The following TECPR1 variants were observed in gnomAD, a reference collection of about 807,000 sequenced individuals.
The protein encoded by TECPR1 is tectonin beta-propeller repeat containing 1, also known as tectonin beta-propeller repeat-containing protein 1.
In TECPR1, 122 loss-of-function variants were observed where a neutral mutation model predicts 162.4. The observed-to-expected ratio is 0.75, with a 90% CI of 0.65 to 0.87. The LOEUF (loss-of-function observed/expected upper bound fraction) is 0.87. Ranked by LOEUF, TECPR1 falls within the 40% of genes least tolerant of loss-of-function variation. The pLI is 0.00. For synonymous variants in TECPR1, 642 were observed against 670.6 expected, an observed-to-expected ratio of 0.96 and a Z score of 0.66; for missense variants, 1,432 against 1,618.2, an observed-to-expected ratio of 0.88 and a Z score of 1.97.
At chr7:98,235,276 A>C (rs941074554) in intron 10 of TECPR1, among the ~76,000 whole-genome samples, 2 of 152,194 alleles carry the variant, frequency 1.3e-5, no homozygotes, top group Admixed American at 1.3e-4. Context: ...CTGTAATCTC[A>C]GCACTTTGGG....
At position 98,246,097 on chromosome 7, in the gene TECPR1, G is replaced by A. The variant is rs780202706; in HGVS notation, c.50C>T (p.Thr17Met). 3.1e-5 allele frequency: 48 copies of A among 1,558,676 alleles called. No individual in the cohort carries two copies. Among genetic ancestry groups the A allele is most frequent in the South Asian group, 1.3e-4 (11 of 84,646 alleles). ...CCAGTACTGGCCTGCTGTGGACAGC[G>A]TGTACACTCTCCCGAAGAGGTCCAC... ...WAVDLFGRVYTLSTAGQYWEM... is the reference protein window; with the variant it reads ...WAVDLFGRVYMLSTAGQYWEM... The change falls in exon 3 of 26, where the codon ACG becomes ATG. Residue 17 changes from threonine to methionine, a missense_variant. Coordinates refer to ENST00000447648, the MANE Select transcript of TECPR1 (RefSeq NM_015395.3).
chr7:98,246,361 G>A (rs1412679343), intron 2 of TECPR1, among the ~76,000 whole-genome samples, 196 bp from the exon 3 acceptor site: 2 of 151,576 alleles, frequency 1.3e-5, no homozygotes, highest in Non-Finnish European at 2.9e-5. Flanking sequence ...CCACCTCCAG[G>A]GTTCAAGCAA....
rs753070353 is a variant in TECPR1 at position 98,245,046 on chromosome 7, A to C, written c.247T>G (p.Phe83Val). The C allele has an allele frequency of 6.3e-7, 1 of 1,594,766 alleles. No individual in the cohort carries two copies. Among genetic ancestry groups the C allele is most frequent in the Non-Finnish European group, 8.5e-7 (1 of 1,171,588 alleles). Residue 83 changes from phenylalanine to valine, a missense_variant, in exon 4 of 26, where the codon TTC becomes GTC. Phe to Val is a conservative substitution (Grantham distance 50). Coordinates refer to ENST00000447648, the MANE Select transcript of TECPR1 (RefSeq NM_015395.3). ...ENQRWNPMGG[F>V]CEKLLLSDRW... ...TCACTCAGCAGGAGCTTCTCACAGA[A>C]GCCGCCCATGGGATTCCAGCGCTGA... is the stretch of plus-strand genomic sequence containing the variant.
intron 2 of TECPR1, among the ~76,000 whole-genome samples, chr7:98,250,257 T>G (rs1484162023): frequency 1.3e-5 from 2 of 151,884 alleles, no homozygotes; most frequent in African/African-American, 2.4e-5. Flanking sequence ...AAATCCTCAA[T>G]AAAATGCTAG....
chr7:98,229,814 C>A (rs1435134615), intron 15 of TECPR1, among the ~76,000 whole-genome samples: 2 of 152,128 alleles, frequency 1.3e-5, no homozygotes, highest in Non-Finnish European at 2.9e-5. Context: ...CTCACTATGT[C>A]CCCAGCCCCA....
At chr7:98,243,723 G>A (rs1426229684) in intron 5 of TECPR1, 131 bp from the exon 6 acceptor site, 1 of 1,246,476 alleles carries the variant, frequency 8.0e-7, no homozygotes, top group Non-Finnish European at 1.1e-6. Context: ...AATTCACAGG[G>A]AAGGCAGCAT....
chr7:98,218,073 G>A (rs1216274975), intron 23 of TECPR1, 31 bp from the exon 24 acceptor site: 2 of 1,525,984 alleles, frequency 1.3e-6, no homozygotes, highest in East Asian at 4.9e-5. Context: ...GGTCAAAGGG[G>A]AAGACCTTCC....
chr7:98,224,829 C>T lies in TECPR1; in HGVS notation c.2662G>A (p.Gly888Arg). ...FSVPGGTDQE[G>R]WQYASDFPAS... ...GGGAAGTCGCTGGCATACTGCCACC[C>T]CTCCTGGTCCGTGCCCCCCGGAACG... The change falls in exon 19 of 26, where the codon GGG becomes AGG. Residue 888 changes from glycine (G) to arginine (R), a missense_variant. Coordinates refer to ENST00000447648, the MANE Select transcript of TECPR1 (RefSeq NM_015395.3). 6.3e-7 allele frequency: 1 copy of T among 1,580,972 alleles called. No individual in the cohort carries two copies. Among genetic ancestry groups the T allele is most frequent in the Non-Finnish European group, 8.6e-7 (1 of 1,164,292 alleles).
Position 98,241,581 on chromosome 7 carries a change from C to T in TECPR1, c.658-337G>A, listed in dbSNP as rs942287633. On this transcript the variant is annotated intron_variant, in intron 6 of 25. Coordinates refer to ENST00000447648, the MANE Select transcript of TECPR1 (RefSeq NM_015395.3). This position sits in a 1 kb window ranked among gnomAD's most constrained non-coding sequence, Gnocchi z 5.0. ...TGTGGCGATGTGCTCTCAGGACACCCGGCTCCAGGGGAGGCTCCAACTCCC... is the reference window on the plus strand; with the variant it reads ...TGTGGCGATGTGCTCTCAGGACACCTGGCTCCAGGGGAGGCTCCAACTCCC... 5.3e-5 allele frequency among the ~76,000 whole-genome samples: 8 copies of T among 152,170 alleles called. No individual in the cohort carries two copies. Among genetic ancestry groups the T allele is most frequent in the Non-Finnish European group, 1.2e-4 (8 of 68,026 alleles).
At chr7:98,245,550 C>T (rs569416534) in intron 3 of TECPR1, among the ~76,000 whole-genome samples, 2 of 152,300 alleles carry the variant, frequency 1.3e-5, no homozygotes, top group African/African-American at 4.8e-5. Context: ...TGGCTCACTA[C>T]AGCCTTGACC....
Position 98,217,742 on chromosome 7 carries a change from C to T in TECPR1, c.3334G>A (p.Gly1112Ser), listed in dbSNP as rs1181286426. ...LSRGTVCHRT[G>S]VQPHEPKGHG... ...CCCTTGGGCTCGTGAGGCTGCACGC[C>T]GGTGCGATGACACACTGTCCCCCGG... The change falls in exon 25 of 26, where the codon GGC (glycine) becomes AGC (serine). Residue 1112 changes from glycine (G) to serine (S), a missense_variant. Gly to Ser is a moderately conservative substitution (Grantham distance 56). Transcript: ENST00000447648. The T allele has an allele frequency of 5.8e-6, 9 of 1,550,294 alleles. No homozygotes were observed. Among genetic ancestry groups the T allele is most frequent in the South Asian group, 2.4e-5 (2 of 84,042 alleles).
chr7:98,232,746 A>G lies in TECPR1; in HGVS notation c.1818+81T>C. 6.9e-7 allele frequency: 1 copy of G among 1,444,358 alleles called. No individual in the cohort carries two copies. Among genetic ancestry groups the G allele is most frequent in the Admixed American group, 2.5e-5 (1 of 39,898 alleles). 89.5% of individuals were successfully genotyped at this position (1,444,358 alleles called of 1,614,324 possible). A position where few individuals can be genotyped will look rare whatever the true frequency, so the allele number is the denominator to read the frequency against. On this transcript the variant is annotated intron_variant, in intron 12 of 25. Transcript: ENST00000447648. The surrounding 1 kb of genome is among the most constrained non-coding windows in gnomAD (Gnocchi z 4.6). ...ATGGAGGCATCTATCTGTTTCTCTC[A>G]GAGCTGGTACACAGCAGGCGCTCAA...
At chr7:98,239,994 C>T (rs572984849) in intron 8 of TECPR1, among the ~76,000 whole-genome samples, 5 of 151,782 alleles carry the variant, frequency 3.3e-5, no homozygotes, top group East Asian at 2.0e-4. Context: ...CCTGTAGCCC[C>T]GCTACGAGGG....
chr7:98,247,134 T>C (rs974049263), intron 2 of TECPR1, among the ~76,000 whole-genome samples: 5 of 151,138 alleles, frequency 3.3e-5, no homozygotes, highest in African/African-American at 1.2e-4. Flanking sequence ...GGAGACCCTG[T>C]CTCAAAAAAA....
intron 19 of TECPR1, 112 bp downstream of exon 19, chr7:98,224,684 TGGCCA>T (rs1798230004): frequency 2.1e-5 from 21 of 1,021,938 alleles, no homozygotes; most frequent in Non-Finnish European, 3.0e-5. Context: ...GTCTGCTCCT[TGGCCA>T]GGCCTAGGGG....
intron 17 of TECPR1, chr7:98,226,791 G>A (rs1465970865): frequency 1.1e-5 from 6 of 539,768 alleles, no homozygotes; most frequent in Non-Finnish European, 1.9e-5. Context: ...AAAATAGCCA[G>A]GTATGGTGGT....
At chr7:98,248,159 G>T (rs1240606143) in intron 2 of TECPR1, among the ~76,000 whole-genome samples, 1 of 152,194 alleles carries the variant, frequency 6.6e-6, no homozygotes, top group Non-Finnish European at 1.5e-5. Flanking sequence ...TGGAGTCCTG[G>T]CTCCTGATAG....
In TECPR1 at chr7:98,217,312, A is replaced by C; in HGVS notation, c.*78T>G. ...CTGGGCCACATTGCTCCCACGGTGC[A>C]CACTCCAGCACAAGAATGGCTCAGC... On this transcript the variant is annotated 3_prime_UTR_variant, in exon 26 of 26. Transcript: ENST00000447648. 1.0e-6 allele frequency: 1 copy of C among 982,706 alleles called. No individual in the cohort carries two copies. The allele number at this position is 982,706 out of a possible 1,614,324, so 60.9% of individuals were successfully genotyped here.
rs1333765300 is a variant in TECPR1, at chr7:98,221,767, G to A, written c.3065-14C>T. On this transcript the variant is annotated splice_polypyrimidine_tract_variant and intron_variant, in intron 22 of 25. Coordinates refer to ENST00000447648, the MANE Select transcript of TECPR1 (RefSeq NM_015395.3). ...ACCAGCAGTCACCTGCGAAGGGGAGGCTGACTCAGGCACGCTGCCTTCTCC... is the reference window on the plus strand; with the variant it reads ...ACCAGCAGTCACCTGCGAAGGGGAGACTGACTCAGGCACGCTGCCTTCTCC... 3 of 1,607,170 alleles carry A rather than the reference G, an allele frequency of 1.9e-6. No individual in the cohort carries two copies. The highest frequency in any genetic ancestry group is 1.7e-5 in the Admixed American group (1 of 59,262).
Sources: gnomAD v4.1 joint callset for allele counts (sites outside exome capture counted in the v4.1 genomes callset) on GRCh38, gnomAD v4.1.1 for gene constraint, Gnocchi (gnomAD v3.1) non-coding constraint, MANE v1.5 for transcripts, NCBI Gene and HGNC (gene_info 2026-07-23, HGNC 2026-07-21) for gene names.